Variants in CADPS2 observed in about 807,000 individuals in gnomAD.
CADPS2 encodes calcium dependent secretion activator 2.
A neutral mutation model predicts 172.5 loss-of-function variants in CADPS2; 93 were observed. The ratio of observed to expected loss-of-function variants is 0.54; its 90% confidence interval spans 0.46 to 0.64. CADPS2 has a LOEUF of 0.64. CADPS2 is among the 30% of genes least tolerant of loss of function. CADPS2 has a pLI of 0.00. For missense variants in CADPS2, 1,420 were observed against 1,565.9 expected, an observed-to-expected ratio of 0.91 and a Z score of 1.57; for synonymous variants, 546 against 555.2, an observed-to-expected ratio of 0.98 and a Z score of 0.23.
chr7:122,712,823 A>G (rs1442875001), intron 2 of CADPS2, among the ~76,000 whole-genome samples: 51 of 152,176 alleles, frequency 3.4e-4, no homozygotes, highest in Non-Finnish European at 7.4e-5. Flanking sequence ...GTGTTCTTAC[A>G]TTGTGGAAAG....
chr7:122,848,152 G>T (rs1812538495), intron 1 of CADPS2, among the ~76,000 whole-genome samples: 1 of 152,078 alleles, frequency 6.6e-6, no homozygotes, highest in Non-Finnish European at 1.5e-5. Context: ...TTTAGCTAAG[G>T]TCTTGTAGTT....
At chr7:122,510,729 T>C (rs2059948770) in intron 9 of CADPS2, among the ~76,000 whole-genome samples, 1 of 152,152 alleles carries the variant, frequency 6.6e-6, no homozygotes, top group South Asian at 2.1e-4. Flanking sequence ...CCTGCAGGTA[T>C]GGACCTACAA....
intron 1 of CADPS2, among the ~76,000 whole-genome samples, chr7:122,819,912 C>T (rs1351231791): frequency 6.6e-6 from 1 of 152,122 alleles, no homozygotes; most frequent in Non-Finnish European, 1.5e-5. Context: ...ACGCCAATAT[C>T]CCATCCTGCA....
chr7:122,405,046 C>A (rs1020739447), intron 20 of CADPS2, among the ~76,000 whole-genome samples: 7 of 152,012 alleles, frequency 4.6e-5, no homozygotes, highest in Non-Finnish European at 1.0e-4. Flanking sequence ...CGCGTCATTG[C>A]ACTCCAGCCT....
intron 6 of CADPS2, among the ~76,000 whole-genome samples, chr7:122,594,622 C>A (rs998103313): frequency 6.6e-6 from 1 of 151,956 alleles, no homozygotes; most frequent in Non-Finnish European, 1.5e-5. Context: ...CTGGGAAAGT[C>A]TAGCAAGCCT....
intron 4 of CADPS2, among the ~76,000 whole-genome samples, chr7:122,622,954 C>T (rs2075746066): frequency 6.6e-6 from 1 of 152,210 alleles, no homozygotes; most frequent in South Asian, 2.1e-4. Context: ...GGCACCACTT[C>T]ACAGATCAGT....
At chr7:122,435,312 A>G (rs1388089180) in intron 17 of CADPS2, among the ~76,000 whole-genome samples, 1 of 152,144 alleles carries the variant, frequency 6.6e-6, no homozygotes. Flanking sequence ...AACAGCAGAA[A>G]CCCAAATAGC....
chr7:122,557,625 A>T (rs1323812301), intron 7 of CADPS2, among the ~76,000 whole-genome samples: 1 of 152,148 alleles, frequency 6.6e-6, no homozygotes, highest in Non-Finnish European at 1.5e-5. Flanking sequence ...TGTGACACAG[A>T]TATTGGACTG....
At chr7:122,631,560 T>C (rs943864036) in intron 3 of CADPS2, among the ~76,000 whole-genome samples, 3 of 152,136 alleles carry the variant, frequency 2.0e-5, no homozygotes, top group African/African-American at 7.2e-5. Flanking sequence ...ATTACAGGCA[T>C]AAGCCACCGC....
rs1479010122 is a variant in CADPS2, at chr7:122,608,459, A to G, written c.1223+6722T>C. On this transcript the variant is annotated intron_variant, in intron 6 of 29. Coordinates refer to ENST00000449022, the MANE Select transcript of CADPS2 (RefSeq NM_017954.11). The stretch of plus-strand genomic sequence containing the variant: ...ACCTTGCCATTCTGATAAGCATTCC[A>G]TTTGTAGCTGCAATGTTCTTTCAAT... Among the ~76,000 whole-genome samples the G allele has an allele frequency of 3.3e-5, 5 of 152,138 alleles. No homozygotes were observed. In the East Asian group the frequency reaches 7.7e-4, roughly 23 times the overall value.
At chr7:122,677,114 G>T (rs573922317) in intron 2 of CADPS2, among the ~76,000 whole-genome samples, 1 of 152,326 alleles carries the variant, frequency 6.6e-6, no homozygotes, top group African/African-American at 2.4e-5. Context: ...ATGATCAGGT[G>T]TCATAAGCAA....
chr7:122,871,150 C>T (rs1312754702), intron 1 of CADPS2, among the ~76,000 whole-genome samples: 1 of 149,312 alleles, frequency 6.7e-6, no homozygotes, highest in East Asian at 2.0e-4. Flanking sequence ...AGACAGGGGA[C>T]AACGGAGGAG....
chr7:122,577,668 A>G (rs1309100404), intron 7 of CADPS2, among the ~76,000 whole-genome samples: 1 of 152,156 alleles, frequency 6.6e-6, no homozygotes, highest in Admixed American at 6.5e-5. Flanking sequence ...CCCTTTGGTA[A>G]ATATCTAGGA....
intron 1 of CADPS2, among the ~76,000 whole-genome samples, chr7:122,880,536 T>C (rs1318342785): frequency 6.6e-6 from 1 of 152,196 alleles, no homozygotes. Flanking sequence ...ACTTTCATTT[T>C]TCCTAGGTGA....
chr7:122,367,452 G>T (rs1316649400), intron 25 of CADPS2, among the ~76,000 whole-genome samples: 1 of 151,076 alleles, frequency 6.6e-6, no homozygotes, highest in Non-Finnish European at 1.5e-5. Context: ...ACCCAGAAGT[G>T]ATGGAGGCCC....
chr7:122,482,896 C>T (rs1396504219), intron 11 of CADPS2, among the ~76,000 whole-genome samples: 2 of 152,158 alleles, frequency 1.3e-5, no homozygotes, highest in African/African-American at 4.8e-5. Flanking sequence ...TCAGCTCATG[C>T]ATGTGTAGAA....
chr7:122,402,288 A>T (rs1012687950), intron 20 of CADPS2, among the ~76,000 whole-genome samples: 5 of 152,156 alleles, frequency 3.3e-5, no homozygotes, highest in African/African-American at 1.2e-4. Context: ...TAAAAAGATG[A>T]TATTATTTTA....
At chr7:122,690,870 C>T (rs982350812) in intron 2 of CADPS2, among the ~76,000 whole-genome samples, 1 of 152,136 alleles carries the variant, frequency 6.6e-6, no homozygotes, top group Non-Finnish European at 1.5e-5. Flanking sequence ...GTAGAATGGC[C>T]GGACTGTGAC....
intron 6 of CADPS2, among the ~76,000 whole-genome samples, chr7:122,585,987 T>C (rs534595976): frequency 2.0e-5 from 3 of 151,986 alleles, no homozygotes; most frequent in Non-Finnish European, 2.9e-5. Context: ...GAAACATTCA[T>C]GACAGCATTA....
Sources: gnomAD v4.1 joint callset for allele counts (sites outside exome capture counted in the v4.1 genomes callset) on GRCh38, gnomAD v4.1.1 for gene constraint, MANE v1.5 for transcripts, NCBI Gene and HGNC (gene_info 2026-07-23, HGNC 2026-07-21) for gene names.